TYR: variants seen among roughly 807,000 people sequenced by gnomAD.
TYR encodes the protein LB24-AB.
A neutral mutation model predicts 51.5 loss-of-function variants in TYR; 58 were observed. The ratio of observed to expected loss-of-function variants is 1.13; its 90% CI spans 0.91 to 1.40. The LOEUF (loss-of-function observed/expected upper bound fraction) is 1.40, where lower values mean the gene tolerates loss of function less well. TYR is among the 40% of genes most tolerant of loss of function. TYR has a pLI of 0.00. For synonymous variants in TYR, 263 were observed against 235.2 expected, an observed-to-expected ratio of 1.12 and a Z score of -1.08; for missense variants, 732 against 647.4, an observed-to-expected ratio of 1.13 and a Z score of -1.42.
chr11:89,196,140 G>C (rs1234598350), intron 2 of TYR, among the ~76,000 whole-genome samples: 1 of 152,046 alleles, frequency 6.6e-6, no homozygotes, highest in Admixed American at 6.6e-5. Flanking sequence ...TTTCAACAAA[G>C]GGCACAACAG....
chr11:89,181,830 T>C (rs1943304342), intron 1 of TYR, among the ~76,000 whole-genome samples: 1 of 152,156 alleles, frequency 6.6e-6, no homozygotes, highest in South Asian at 2.1e-4. Context: ...GTCAACAATG[T>C]TATTTCTTGT....
intron 3 of TYR, among the ~76,000 whole-genome samples, chr11:89,270,532 C>G (rs189245686): frequency 6.6e-6 from 1 of 151,810 alleles, no homozygotes; most frequent in East Asian, 1.9e-4. Context: ...TATTACATGC[C>G]AGGCACTGTC....
At chr11:89,199,210 G>A (rs185513492) in intron 2 of TYR, among the ~76,000 whole-genome samples, 3 of 152,180 alleles carry the variant, frequency 2.0e-5, no homozygotes, top group Admixed American at 6.5e-5. Flanking sequence ...GAATAGTGCC[G>A]CAATAAACAT....
intron 3 of TYR, among the ~76,000 whole-genome samples, chr11:89,234,126 C>T (rs539646457): frequency 6.9e-6 from 1 of 143,912 alleles, no homozygotes; most frequent in East Asian, 2.0e-4. Context: ...TAACTTGCTG[C>T]AGCTTTCCAT....
At chr11:89,271,077 A>C in intron 3 of TYR, among the ~76,000 whole-genome samples, 1 of 151,960 alleles carries the variant, frequency 6.6e-6, no homozygotes, top group East Asian at 1.9e-4. Context: ...AGAATATAAA[A>C]GTTTAAAGAA....
At position 89,182,895 on chromosome 11, in the gene TYR, C is replaced by A. The variant is rs12416719; in HGVS notation, c.819+4123C>A. 7.9e-5 allele frequency among the ~76,000 whole-genome samples: 12 copies of A among 151,836 alleles called. 1 individual carries two copies. Among genetic ancestry groups the A allele is most frequent in the Admixed American group, 6.6e-4 (10 of 15,224 alleles). On this transcript the variant is annotated intron_variant, in intron 1 of 4. Transcript: ENST00000263321. ...AGGAAAAAACATTTCCTAGCTGATA[C>A]ACATGAGTGAATTGTGACCAGGGAA...
intron 1 of TYR, among the ~76,000 whole-genome samples, chr11:89,190,016 G>C (rs1296838597): frequency 6.6e-6 from 1 of 152,056 alleles, no homozygotes; most frequent in African/African-American, 2.4e-5. Context: ...TCATGTCTTC[G>C]TGGTGATGCT....
At chr11:89,188,558 G>A (rs1425092196) in intron 1 of TYR, among the ~76,000 whole-genome samples, 1 of 152,058 alleles carries the variant, frequency 6.6e-6, no homozygotes, top group African/African-American at 2.4e-5. Flanking sequence ...TGTAAATACT[G>A]ACAATGGTAG....
chr11:89,242,195 G>C (rs1590873648), intron 3 of TYR, among the ~76,000 whole-genome samples: 1 of 151,920 alleles, frequency 6.6e-6, no homozygotes, highest in Non-Finnish European at 1.5e-5. Context: ...TTTGTTTTTT[G>C]GGTTATCTTT....
At chr11:89,192,073 G>C (rs1160066876) in intron 2 of TYR, 2 of 429,570 alleles carry the variant, frequency 4.7e-6, no homozygotes, top group Non-Finnish European at 9.2e-6. Flanking sequence ...ACAGCACATA[G>C]GTAAAGCCTC....
chr11:89,283,947 A>C (rs1239590478), intron 3 of TYR: 4 of 151,976 alleles, frequency 2.6e-5, no homozygotes, highest in African/African-American at 9.6e-5. Context: ...GTTCAGAAAT[A>C]GGTGAGAATA....
At chr11:89,291,441 T>C (rs1454662967) in intron 4 of TYR, among the ~76,000 whole-genome samples, 2 of 152,000 alleles carry the variant, frequency 1.3e-5, no homozygotes, top group Admixed American at 6.6e-5. Context: ...ATCAGGTACT[T>C]TTAGTAGCAT....
intron 3 of TYR, among the ~76,000 whole-genome samples, chr11:89,279,509 A>G (rs531661237): frequency 1.3e-5 from 2 of 151,840 alleles, no homozygotes; most frequent in Non-Finnish European, 2.9e-5. Flanking sequence ...AACACTGGCC[A>G]TAAGCATAAA....
At chr11:89,246,247 C>T (rs1480812246) in intron 3 of TYR, among the ~76,000 whole-genome samples, 1 of 152,100 alleles carries the variant, frequency 6.6e-6, no homozygotes, top group South Asian at 2.1e-4. Flanking sequence ...TCAGAAGTTC[C>T]GTGATTATGT....
intron 1 of TYR, among the ~76,000 whole-genome samples, chr11:89,185,004 G>T (rs1156916721): frequency 1.3e-5 from 2 of 152,158 alleles, no homozygotes; most frequent in African/African-American, 4.8e-5. Context: ...CAGTGGGATA[G>T]GAGGACCAAT....
At chr11:89,259,605 G>A (rs1375212953) in intron 3 of TYR, among the ~76,000 whole-genome samples, 1 of 152,054 alleles carries the variant, frequency 6.6e-6, no homozygotes, top group Non-Finnish European at 1.5e-5. Flanking sequence ...GTAAGCCAAA[G>A]TCAAACCAGA....
At chr11:89,266,791 A>G (rs758365797) in intron 3 of TYR, among the ~76,000 whole-genome samples, 2 of 149,866 alleles carry the variant, frequency 1.3e-5, no homozygotes, top group Non-Finnish European at 2.9e-5. Flanking sequence ...AGGTGGAAAC[A>G]AACCTTGCCT....
intron 3 of TYR, among the ~76,000 whole-genome samples, chr11:89,270,974 C>T (rs1221753943): frequency 2.0e-5 from 3 of 151,782 alleles, no homozygotes; most frequent in South Asian, 4.1e-4. Context: ...TGCAATATGA[C>T]AAATGTGATA....
intron 3 of TYR, among the ~76,000 whole-genome samples, chr11:89,255,539 A>G (rs2135302809): frequency 6.6e-6 from 1 of 151,860 alleles, no homozygotes; most frequent in African/African-American, 2.4e-5. Flanking sequence ...TAGATTAGAA[A>G]TTTTCCTTGT....
Sources: gnomAD v4.1 joint callset for allele counts (sites outside exome capture counted in the v4.1 genomes callset) on GRCh38, gnomAD v4.1.1 for gene constraint, MANE v1.5 for transcripts, NCBI Gene and HGNC (gene_info 2026-07-23, HGNC 2026-07-21) for gene names.